The following FHIT variants were observed in gnomAD, a reference collection of about 807,000 sequenced individuals.
FHIT encodes the protein bis(5'-adenosyl)-triphosphatase.
FHIT carries 19 observed loss-of-function variants against 17.9 expected under a neutral mutation model. The observed-to-expected ratio is 1.06, with a 90% confidence interval of 0.74 to 1.56. FHIT has a LOEUF of 1.56. Among genes scored for constraint, FHIT ranks in the 40% most tolerant of loss-of-function variants. The probability of loss-of-function intolerance (pLI) is 0.00; values close to 1 mark genes in which losing one functional copy is unlikely to be tolerated. For missense variants in FHIT, 248 were observed against 189.2 expected (o/e 1.31, Z -1.82); for synonymous variants, 81 against 69.7 (o/e 1.16, Z -0.81).
chr3:60,363,450 T>A (rs1347313860), intron 5 of FHIT, among the ~76,000 whole-genome samples: 1 of 152,206 alleles, frequency 6.6e-6, no homozygotes, highest in African/African-American at 2.4e-5. Flanking sequence ...AAGCACTGTA[T>A]GCCAGACACT....
At chr3:60,309,003 A>G (rs1708814573) in intron 5 of FHIT, among the ~76,000 whole-genome samples, 1 of 152,148 alleles carries the variant, frequency 6.6e-6, no homozygotes, top group Non-Finnish European at 1.5e-5. Context: ...AGTTTTTAAG[A>G]TATCCACTTT....
chr3:60,924,968 G>T (rs1707502473), intron 3 of FHIT, among the ~76,000 whole-genome samples: 2 of 152,156 alleles, frequency 1.3e-5, no homozygotes, highest in Non-Finnish European at 2.9e-5. Context: ...AGTGATGGAA[G>T]ATCAAATGAA....
At chr3:60,219,255 T>C (rs970626833) in intron 5 of FHIT, among the ~76,000 whole-genome samples, 1 of 152,116 alleles carries the variant, frequency 6.6e-6, no homozygotes, top group Admixed American at 6.6e-5. Context: ...ACATTCAACA[T>C]GAAATACTAA....
At chr3:61,238,671 A>G (rs996682916) in intron 1 of FHIT, among the ~76,000 whole-genome samples, 6 of 152,248 alleles carry the variant, frequency 3.9e-5, no homozygotes, top group African/African-American at 1.2e-4. Context: ...ATATGCAAAT[A>G]AAGGAGAGTA....
chr3:59,825,910 C>T (rs560311899), intron 8 of FHIT, among the ~76,000 whole-genome samples: 3 of 152,254 alleles, frequency 2.0e-5, no homozygotes, highest in Non-Finnish European at 2.9e-5. Flanking sequence ...TCCAACCATC[C>T]AGCCATCCAT....
intron 3 of FHIT, among the ~76,000 whole-genome samples, chr3:60,880,591 G>T (rs781822669): frequency 6.6e-6 from 1 of 152,200 alleles, no homozygotes; most frequent in African/African-American, 2.4e-5. Context: ...AATTAGCTGG[G>T]TGTGGTGGCA....
chr3:59,933,606 A>G (rs964338883), intron 7 of FHIT, among the ~76,000 whole-genome samples: 4 of 152,134 alleles, frequency 2.6e-5, no homozygotes, highest in African/African-American at 7.2e-5. Context: ...GTATTTTGCT[A>G]TGCTCCTTCC....
chr3:60,665,314 A>G (rs1377428404), intron 4 of FHIT, among the ~76,000 whole-genome samples: 1 of 152,014 alleles, frequency 6.6e-6, no homozygotes, highest in East Asian at 1.9e-4. Flanking sequence ...TGATGGCGCA[A>G]TCTTCTATAT....
At chr3:60,371,436 C>A (rs1001449946) in intron 5 of FHIT, among the ~76,000 whole-genome samples, 4 of 151,878 alleles carry the variant, frequency 2.6e-5, no homozygotes, top group Admixed American at 6.6e-5. Context: ...TAACTCACGG[C>A]AAACTTGAAC....
At chr3:61,228,008 G>C (rs2040011816) in intron 1 of FHIT, among the ~76,000 whole-genome samples, 1 of 152,138 alleles carries the variant, frequency 6.6e-6, no homozygotes, top group Admixed American at 6.5e-5. Flanking sequence ...AATGACTTTA[G>C]CAGCTGCTCT....
chr3:60,522,312 T>C (rs763037985), intron 5 of FHIT, among the ~76,000 whole-genome samples: 12 of 152,114 alleles, frequency 7.9e-5, no homozygotes, highest in Non-Finnish European at 1.8e-4. Context: ...GGTTTCACCA[T>C]GTTGGCCAGG....
intron 5 of FHIT, among the ~76,000 whole-genome samples, chr3:60,210,498 T>C (rs1330975673): frequency 6.7e-6 from 1 of 148,624 alleles, no homozygotes; most frequent in Non-Finnish European, 1.5e-5. Flanking sequence ...AACACATTGG[T>C]AAGCTTCACT....
intron 7 of FHIT, among the ~76,000 whole-genome samples, chr3:59,934,936 G>A (rs1843538): frequency 0.98 from 149,675 of 152,216 alleles, 73,637 homozygotes; most frequent in Middle Eastern, 1. Context: ...GCCAAACCAT[G>A]TCAGTAGAAT....
chr3:59,777,207 C>A (rs1421143235), intron 8 of FHIT, among the ~76,000 whole-genome samples: 1 of 152,160 alleles, frequency 6.6e-6, no homozygotes, highest in Non-Finnish European at 1.5e-5. Context: ...CTGCTCTTCC[C>A]AACCAGGTGG....
At chr3:60,435,737 G>T (rs146901103) in intron 5 of FHIT, among the ~76,000 whole-genome samples, 3,048 of 152,148 alleles carry the variant, frequency 0.02, 41 homozygotes, top group Middle Eastern at 0.037. Flanking sequence ...TTGTTGTACA[G>T]ATTATTTCAT....
At chr3:61,177,528 C>A (rs2038197483) in intron 2 of FHIT, among the ~76,000 whole-genome samples, 2 of 151,762 alleles carry the variant, frequency 1.3e-5, no homozygotes, top group African/African-American at 4.8e-5. Flanking sequence ...TTTCCAATAC[C>A]AAAATATAAA....
intron 4 of FHIT, among the ~76,000 whole-genome samples, chr3:60,799,841 T>A (rs1701125360): frequency 6.6e-6 from 1 of 152,256 alleles, no homozygotes; most frequent in Non-Finnish European, 1.5e-5. Flanking sequence ...TTCTATATAT[T>A]TATCTGTTTA....
chr3:60,630,876 T>G (rs1440947658), intron 4 of FHIT, among the ~76,000 whole-genome samples: 1 of 151,662 alleles, frequency 6.6e-6, no homozygotes, highest in Non-Finnish European at 1.5e-5. Context: ...GTTAGGATTC[T>G]TTAACCTTTT....
At chr3:60,997,695 C>T (rs1291029109) in intron 3 of FHIT, among the ~76,000 whole-genome samples, 3 of 152,118 alleles carry the variant, frequency 2.0e-5, no homozygotes, top group Non-Finnish European at 4.4e-5. Flanking sequence ...TGATACTAGC[C>T]CTTGGTCTGC....
Sources: gnomAD v4.1 joint callset for allele counts (sites outside exome capture counted in the v4.1 genomes callset) on GRCh38, gnomAD v4.1.1 for gene constraint, MANE v1.5 for transcripts, NCBI Gene and HGNC (gene_info 2026-07-23, HGNC 2026-07-21) for gene names.